The following C12orf42 variants were observed in gnomAD, a reference collection of about 807,000 sequenced individuals.
C12orf42 encodes chromosome 12 open reading frame 42.
C12orf42 carries 25 observed loss-of-function variants against 21.6 expected under a neutral mutation model. The observed-to-expected ratio is 1.16, with a 90% CI of 0.84 to 1.62. C12orf42 has a LOEUF of 1.62. Ranked by LOEUF, C12orf42 falls within the 40% of genes most tolerant of loss-of-function variation. The pLI, the probability that C12orf42 is intolerant of heterozygous loss-of-function variation, is 0.00. For synonymous variants in C12orf42, 174 were observed against 175.0 expected (o/e 0.99, Z 0.05); for missense variants, 483 against 459.3 (o/e 1.05, Z -0.47).
intron 3 of C12orf42, among the ~76,000 whole-genome samples, chr12:103,389,169 G>C (rs1474215440): frequency 6.6e-6 from 1 of 152,176 alleles, no homozygotes; most frequent in Non-Finnish European, 1.5e-5. Context: ...ACACCAGAGG[G>C]GCCATAGCCT....
chr12:103,314,448 G>A (rs932364646), intron 4 of C12orf42, among the ~76,000 whole-genome samples: 1 of 152,152 alleles, frequency 6.6e-6, no homozygotes, highest in African/African-American at 2.4e-5. Flanking sequence ...TTGTAAACTG[G>A]TAGGAATATT....
intron 2 of C12orf42, among the ~76,000 whole-genome samples, chr12:103,416,794 G>C (rs1051655154): frequency 5.3e-5 from 8 of 152,132 alleles, no homozygotes; most frequent in African/African-American, 1.9e-4. Context: ...AACTGACACA[G>C]AGTTCTTCAC....
At chr12:103,274,079 C>A (rs561252943) in intron 5 of C12orf42, among the ~76,000 whole-genome samples, 2 of 152,162 alleles carry the variant, frequency 1.3e-5, no homozygotes, top group Non-Finnish European at 2.9e-5. Context: ...GGGACAGAAA[C>A]CCCTCTAAGT....
chr12:103,462,096 G>GT (rs71097979), intron 2 of C12orf42, among the ~76,000 whole-genome samples: 659 of 27,692 alleles, frequency 0.024, 192 homozygotes, highest in East Asian at 0.15. Flanking sequence ...TTTTTGCTTG[G>GT]TTTTTTTTTT....
intron 4 of C12orf42, among the ~76,000 whole-genome samples, chr12:103,357,091 G>A (rs1221669389): frequency 7.0e-6 from 1 of 142,944 alleles, no homozygotes; most frequent in Non-Finnish European, 1.5e-5. Flanking sequence ...GGTGGGAATT[G>A]AACAATGAGA....
At chr12:103,315,349 C>G (rs1393630599) in intron 4 of C12orf42, among the ~76,000 whole-genome samples, 1 of 152,052 alleles carries the variant, frequency 6.6e-6, no homozygotes, top group Non-Finnish European at 1.5e-5. Context: ...CATAAAAGAA[C>G]AGATGGCAAG....
chr12:103,276,448 T>C (rs1448828206), intron 5 of C12orf42, among the ~76,000 whole-genome samples: 1 of 152,174 alleles, frequency 6.6e-6, no homozygotes, highest in Non-Finnish European at 1.5e-5. Context: ...ACTCTCCCCA[T>C]TGCAAGAGTG....
chr12:103,458,422 T>C (rs1275044517), intron 2 of C12orf42, among the ~76,000 whole-genome samples: 2 of 152,122 alleles, frequency 1.3e-5, no homozygotes, highest in South Asian at 2.1e-4. Flanking sequence ...AGTTATAGGA[T>C]AGGCGAAACT....
intron 3 of C12orf42, among the ~76,000 whole-genome samples, chr12:103,373,226 G>A (rs561634688): frequency 4.6e-5 from 7 of 152,230 alleles, no homozygotes; most frequent in South Asian, 2.1e-4. Context: ...GATGGATGGC[G>A]CACCTCACGC....
At chr12:103,527,407 G>C in the C12orf42 span, among the ~76,000 whole-genome samples, 1 of 152,134 alleles carries the variant, frequency 6.6e-6, no homozygotes, top group Non-Finnish European at 1.5e-5. Context: ...AATGGAAGGA[G>C]TTTGGGTCAT....
At chr12:103,390,133 T>C (rs971973870) in intron 3 of C12orf42, among the ~76,000 whole-genome samples, 2 of 152,180 alleles carry the variant, frequency 1.3e-5, no homozygotes, top group Admixed American at 1.3e-4. Context: ...TTCCTCTGTA[T>C]GTGATATAAG....
At chr12:103,363,996 T>C (rs1418963521) in intron 4 of C12orf42, among the ~76,000 whole-genome samples, 1 of 152,058 alleles carries the variant, frequency 6.6e-6, no homozygotes, top group Non-Finnish European at 1.5e-5. Flanking sequence ...ACAAATGGAC[T>C]TAACAGATAT....
chr12:103,066,306 C>T, the C12orf42 span, among the ~76,000 whole-genome samples: 4 of 152,266 alleles, frequency 2.6e-5, no homozygotes, highest in East Asian at 1.9e-4. Flanking sequence ...GTGGTATACA[C>T]GTGACTGGGC....
the C12orf42 span, among the ~76,000 whole-genome samples, chr12:103,203,754 G>C: frequency 6.6e-6 from 1 of 152,168 alleles, no homozygotes; most frequent in African/African-American, 2.4e-5. Flanking sequence ...AAAAGGAGAG[G>C]TGTTGTTGCT....
the C12orf42 span, among the ~76,000 whole-genome samples, chr12:103,098,860 T>C: frequency 6.6e-6 from 1 of 152,166 alleles, no homozygotes; most frequent in Non-Finnish European, 1.5e-5. Flanking sequence ...TACATATTCA[T>C]GGAATGAATA....
chr12:103,506,832 A>G, the C12orf42 span, among the ~76,000 whole-genome samples: 2 of 69,320 alleles, frequency 2.9e-5, no homozygotes, highest in Non-Finnish European at 4.4e-5. Flanking sequence ...ATATATTTAT[A>G]TATTATATAT....
the C12orf42 span, among the ~76,000 whole-genome samples, chr12:103,092,849 G>T: frequency 6.6e-6 from 1 of 152,170 alleles, no homozygotes; most frequent in African/African-American, 2.4e-5. Context: ...TAGCAAGAAC[G>T]ATTCTTTGCC....
the C12orf42 span, among the ~76,000 whole-genome samples, chr12:103,105,696 T>C: frequency 6.6e-6 from 1 of 151,082 alleles, no homozygotes; most frequent in Admixed American, 6.6e-5. Context: ...ACTCAGACAG[T>C]AGATTAGAAG....
downstream of C12orf42, among the ~76,000 whole-genome samples, chr12:103,266,159 A>G (rs1022055655): frequency 1.3e-5 from 2 of 152,306 alleles, no homozygotes; most frequent in African/African-American, 4.8e-5. Flanking sequence ...TGTATTATTG[A>G]AGAGGTCTCT....
Sources: gnomAD v4.1 joint callset for allele counts (sites outside exome capture counted in the v4.1 genomes callset) on GRCh38, gnomAD v4.1.1 for gene constraint, MANE v1.5 for transcripts, NCBI Gene and HGNC (gene_info 2026-07-23, HGNC 2026-07-21) for gene names.